Variants in MYO1H observed in about 807,000 individuals in gnomAD.
MYO1H encodes the protein myosin IH.
A neutral mutation model predicts 149.3 loss-of-function variants in MYO1H; 118 were observed. The ratio of observed to expected loss-of-function variants is 0.79; its 90% confidence interval spans 0.68 to 0.92. The LOEUF (loss-of-function observed/expected upper bound fraction) is 0.92, where lower values mean the gene tolerates loss of function less well. Among genes scored for constraint, MYO1H ranks in the 40% least tolerant of loss-of-function variants. The probability of loss-of-function intolerance (pLI) is 0.00; values close to 1 mark genes in which losing one functional copy is unlikely to be tolerated. For missense variants in MYO1H, 1,212 were observed against 1,280.7 expected (o/e 0.95, Z 0.82); for synonymous variants, 447 against 465.2 (o/e 0.96, Z 0.50).
chr12:109,422,242 G>A (rs1321688912), intron 16 of MYO1H, among the ~76,000 whole-genome samples: 2 of 152,204 alleles, frequency 1.3e-5, no homozygotes, highest in Admixed American at 1.3e-4. Context: ...TTTGGAGTGA[G>A]CAGGTGAACA....
Position 109,422,778 on chromosome 12 carries a change from T to TA in MYO1H, c.1644+1759dup, listed in dbSNP as rs111628965. 9.2e-5 allele frequency among the ~76,000 whole-genome samples: 14 copies of TA among 151,874 alleles called. 1 individual carries two copies. Among genetic ancestry groups the TA allele is most frequent in the African/African-American group, 3.4e-4 (14 of 41,404 alleles). On this transcript the variant is annotated intron_variant, in intron 16 of 31. Transcript: ENST00000310903. ...TTAAACAACAACAAAAAAATTCAATTAAAAAAAATGGGGTGCCAGGCACAG... is the reference window on the plus strand; with the variant it reads ...TTAAACAACAACAAAAAAATTCAATTAAAAAAAAATGGGGTGCCAGGCACAG...
chr12:109,340,982 T>C, the MYO1H span, among the ~76,000 whole-genome samples: 1 of 151,832 alleles, frequency 6.6e-6, no homozygotes, highest in Non-Finnish European at 1.5e-5. Context: ...AGGTCAGGAG[T>C]TCGAGACCAG....
chr12:109,430,849 C>T (rs1176121541), intron 19 of MYO1H, among the ~76,000 whole-genome samples: 5 of 152,082 alleles, frequency 3.3e-5, no homozygotes, highest in African/African-American at 9.7e-5. Context: ...TCGCTTGAAC[C>T]CAGGAGGCAG....
chr12:109,443,537 TGACAGAAAAG>T lies in MYO1H; in HGVS notation c.2714_2723del (p.Asp905AlafsTer28), dbSNP rs1566045594. On this transcript the variant is annotated frameshift_variant, in exon 28 of 32. Transcript: ENST00000310903. LOFTEE classifies it high-confidence loss of function. ...AGTATGGTGTCCCGGTCATTAAATATGACAGAAAAGGCTTCAAAGCACGGCAGCGGCAACT... is the reference window on the plus strand; with the variant it reads ...AGTATGGTGTCCCGGTCATTAAATATGCTTCAAAGCACGGCAGCGGCAACT... 6.2e-7 allele frequency: 1 copy of T among 1,613,810 alleles called. No individual in the cohort carries two copies. Among genetic ancestry groups the T allele is most frequent in the Non-Finnish European group, 8.5e-7 (1 of 1,179,842 alleles).
intron 1 of MYO1H, among the ~76,000 whole-genome samples, chr12:109,368,967 T>G (rs946925077): frequency 6.6e-6 from 1 of 151,966 alleles, no homozygotes; most frequent in Non-Finnish European, 1.5e-5. Context: ...GCTGCATCCA[T>G]GTTGCTGCAA....
rs111639746 is a variant in MYO1H at position 109,437,602 on chromosome 12, T to C, written c.2210-934T>C. ...ATATGTAAATGAATGGACAGGGCTG[T>C]GTAGAGATAAAACTTTACATAAACA... On this transcript the variant is annotated intron_variant, in intron 22 of 31. Transcript: ENST00000310903. Among the ~76,000 whole-genome samples the C allele has an allele frequency of 7.0e-4, 106 of 152,288 alleles. 1 individual carries two copies. Among genetic ancestry groups the C allele is most frequent in the African/African-American group, 2.4e-3 (100 of 41,572 alleles).
intron 1 of MYO1H, among the ~76,000 whole-genome samples, chr12:109,355,254 G>A (rs1049223355): frequency 6.6e-6 from 1 of 151,992 alleles, no homozygotes; most frequent in African/African-American, 2.4e-5. Flanking sequence ...CGACTTCAGG[G>A]GAATAACAAT....
chr12:109,364,051 AAT>A (rs1294746175), intron 1 of MYO1H, among the ~76,000 whole-genome samples: 1 of 151,458 alleles, frequency 6.6e-6, no homozygotes, highest in African/African-American at 2.4e-5. Flanking sequence ...AAATACAAAA[AAT>A]ATGTTAGCCG....
At chr12:109,429,966 G>A (rs558759809) in intron 19 of MYO1H, among the ~76,000 whole-genome samples, 1 of 152,192 alleles carries the variant, frequency 6.6e-6, no homozygotes, top group Non-Finnish European at 1.5e-5. Flanking sequence ...GTGCCTTCTC[G>A]CTGTGTCTTC....
At chr12:109,399,612 AAAATG>A (rs1489270917) in intron 5 of MYO1H, among the ~76,000 whole-genome samples, 44 of 139,978 alleles carry the variant, frequency 3.1e-4, no homozygotes, top group African/African-American at 1.1e-3. Flanking sequence ...AAAAAAAAAA[AAAATG>A]CTAGCATCTG....
intron 1 of MYO1H, among the ~76,000 whole-genome samples, chr12:109,379,423 G>T (rs1252547203): frequency 6.6e-6 from 1 of 152,182 alleles, no homozygotes; most frequent in South Asian, 2.1e-4. Context: ...TTGATTTTCT[G>T]TGTGCTATTG....
intron 19 of MYO1H, among the ~76,000 whole-genome samples, chr12:109,430,410 T>C (rs1039380115): frequency 3.3e-5 from 5 of 152,144 alleles, no homozygotes; most frequent in African/African-American, 1.2e-4. Context: ...TCCATATCTG[T>C]CTAGCTTTGG....
intron 13 of MYO1H, among the ~76,000 whole-genome samples, chr12:109,411,656 G>C (rs1432344217): frequency 6.6e-6 from 1 of 152,112 alleles, no homozygotes; most frequent in African/African-American, 2.4e-5. Context: ...GAGTCAGATG[G>C]TCAGAGTGTT....
At chr12:109,410,140 A>C in intron 12 of MYO1H, 72 bp downstream of exon 12, 1 of 789,476 alleles carries the variant, frequency 1.3e-6, no homozygotes, top group Non-Finnish European at 1.8e-6. Context: ...TAATTTAATT[A>C]ATTTTTTTTT....
chr12:109,417,013 A>G (rs1211619975), intron 15 of MYO1H, among the ~76,000 whole-genome samples: 1 of 151,696 alleles, frequency 6.6e-6, no homozygotes, highest in Non-Finnish European at 1.5e-5. Context: ...ATCTCAAAAA[A>G]AAAAAAAATT....
chr12:109,329,116 T>C, the MYO1H span, among the ~76,000 whole-genome samples: 1 of 152,040 alleles, frequency 6.6e-6, no homozygotes, highest in African/African-American at 2.4e-5. Flanking sequence ...TTGGATGGTA[T>C]TTTCAGTTTT....
the MYO1H span, among the ~76,000 whole-genome samples, chr12:109,332,652 A>G: frequency 6.6e-6 from 1 of 152,240 alleles, no homozygotes; most frequent in Non-Finnish European, 1.5e-5. Context: ...ATCCTAGCAC[A>G]CTGCAGCCTC....
the MYO1H span, among the ~76,000 whole-genome samples, chr12:109,336,928 A>G: frequency 6.6e-6 from 1 of 152,130 alleles, no homozygotes; most frequent in Admixed American, 6.6e-5. Flanking sequence ...TGGGCCAAAC[A>G]TGGAGTTGGA....
At chr12:109,379,113 A>G (rs773617588) in intron 1 of MYO1H, among the ~76,000 whole-genome samples, 2 of 152,262 alleles carry the variant, frequency 1.3e-5, no homozygotes, top group Non-Finnish European at 2.9e-5. Context: ...TACAAATTTC[A>G]GTTCCTCAGC....
Sources: allele counts gnomAD v4.1 joint callset (sites outside exome capture counted in the v4.1 genomes callset), GRCh38; gene constraint gnomAD v4.1.1; transcripts MANE v1.5; gene names NCBI Gene and HGNC (gene_info 2026-07-23, HGNC 2026-07-21).